The following WDR70 variants were observed in gnomAD, a reference collection of about 807,000 sequenced individuals.
The protein encoded by WDR70 is WD repeat domain 70, also known as WD repeat-containing protein 70.
In WDR70, 53 loss-of-function variants were observed where a neutral mutation model predicts 88.6. The observed-to-expected ratio is 0.60, with a 90% CI of 0.48 to 0.75. WDR70 has a LOEUF of 0.75. Ranked by LOEUF, WDR70 falls within the 30% of genes least tolerant of loss-of-function variation. The pLI is 0.00. For synonymous variants in WDR70, 280 were observed against 270.0 expected, an observed-to-expected ratio of 1.04 and a Z score of -0.36; for missense variants, 610 against 823.2, an observed-to-expected ratio of 0.74 and a Z score of 3.17.
intron 9 of WDR70, among the ~76,000 whole-genome samples, chr5:37,550,489 A>G (rs542759801): frequency 6.6e-6 from 1 of 152,328 alleles, no homozygotes; most frequent in East Asian, 1.9e-4. Context: ...TATTAGATCC[A>G]TTTGGTCTGC....
intron 9 of WDR70, among the ~76,000 whole-genome samples, chr5:37,587,823 A>G (rs1224204697): frequency 7.3e-6 from 1 of 137,452 alleles, no homozygotes; most frequent in Non-Finnish European, 1.5e-5. Context: ...TCTATCGCCC[A>G]GGCTGGAGTG....
chr5:37,531,157 A>G (rs2112305323), intron 9 of WDR70, among the ~76,000 whole-genome samples: 1 of 152,072 alleles, frequency 6.6e-6, no homozygotes, highest in South Asian at 2.1e-4. Context: ...ATGAGAGAGT[A>G]CTCGATATAA....
chr5:37,465,010 G>A (rs1359555326), intron 7 of WDR70, among the ~76,000 whole-genome samples: 1 of 152,190 alleles, frequency 6.6e-6, no homozygotes, highest in Admixed American at 6.5e-5. Context: ...GACAGTAAGT[G>A]GACAACTGGC....
intron 8 of WDR70, among the ~76,000 whole-genome samples, chr5:37,510,711 C>T (rs1390383239): frequency 6.6e-6 from 1 of 152,208 alleles, no homozygotes; most frequent in African/African-American, 2.4e-5. Flanking sequence ...CAGTTCCAGG[C>T]TCTGATCAAG....
chr5:37,379,694 C>T (rs1748361571), intron 2 of WDR70, 140 bp downstream of exon 2: 6 of 916,082 alleles, frequency 6.5e-6, no homozygotes, highest in South Asian at 1.5e-5. Context: ...TATTCTTCTC[C>T]CATTTGTCTT....
chr5:37,651,124 C>G (rs1319592724), intron 10 of WDR70, among the ~76,000 whole-genome samples: 1 of 152,088 alleles, frequency 6.6e-6, no homozygotes, highest in Admixed American at 6.6e-5. Context: ...CCCTCCATCC[C>G]CCAACAAGCC....
At chr5:37,655,840 A>C (rs1745538738) in intron 10 of WDR70, among the ~76,000 whole-genome samples, 2 of 151,370 alleles carry the variant, frequency 1.3e-5, no homozygotes, top group Admixed American at 1.3e-4. Context: ...AATTCCTCTA[A>C]CCTTTTTTCA....
chr5:37,747,477 G>A (rs191937414), intron 17 of WDR70, among the ~76,000 whole-genome samples: 144 of 152,248 alleles, frequency 9.5e-4, no homozygotes, highest in Admixed American at 4.1e-3. Flanking sequence ...CTGTCAATAA[G>A]CTAGGTATTG....
At chr5:37,658,135 G>T (rs1363891096) in intron 10 of WDR70, among the ~76,000 whole-genome samples, 2 of 151,518 alleles carry the variant, frequency 1.3e-5, no homozygotes, top group Non-Finnish European at 2.9e-5. Context: ...TCACTATAAA[G>T]GTCTTCTTCC....
chr5:37,392,538 C>T (rs1286940259), intron 4 of WDR70, among the ~76,000 whole-genome samples: 1 of 152,022 alleles, frequency 6.6e-6, no homozygotes, highest in East Asian at 1.9e-4. Flanking sequence ...TTAGTAGAGA[C>T]AGGTTTTACC....
At chr5:37,525,467 C>T (rs1007272708) in intron 9 of WDR70, among the ~76,000 whole-genome samples, 2 of 152,176 alleles carry the variant, frequency 1.3e-5, no homozygotes, top group South Asian at 4.1e-4. Flanking sequence ...ATCTCTGGGA[C>T]ACATTTAAAG....
intron 8 of WDR70, among the ~76,000 whole-genome samples, chr5:37,486,898 C>G (rs1739891870): frequency 6.6e-6 from 1 of 151,878 alleles, no homozygotes; most frequent in African/African-American, 2.4e-5. Context: ...GCAAAAATTT[C>G]TCCCATTCTG....
chr5:37,608,722 T>C (rs1182819406), intron 10 of WDR70, among the ~76,000 whole-genome samples: 2 of 152,086 alleles, frequency 1.3e-5, no homozygotes, highest in Non-Finnish European at 2.9e-5. Flanking sequence ...CATGCCCAGC[T>C]AATTTTCTTG....
At chr5:37,447,829 C>T (rs1738550219) in intron 7 of WDR70, among the ~76,000 whole-genome samples, 1 of 152,108 alleles carries the variant, frequency 6.6e-6, no homozygotes, top group Non-Finnish European at 1.5e-5. Context: ...GGAGATATAC[C>T]TAGTGTAAAT....
intron 7 of WDR70, among the ~76,000 whole-genome samples, chr5:37,455,794 G>T (rs1738818830): frequency 6.6e-6 from 1 of 151,744 alleles, no homozygotes. Context: ...ACAGTTCTAT[G>T]AATTTTGAGA....
At chr5:37,730,007 C>G (rs2112711860) in intron 17 of WDR70, among the ~76,000 whole-genome samples, 1 of 152,190 alleles carries the variant, frequency 6.6e-6, no homozygotes, top group Middle Eastern at 3.4e-3. Context: ...CCCCGTATTT[C>G]CTATGTGAAG....
At chr5:37,705,792 G>A (rs1057291807) in intron 13 of WDR70, among the ~76,000 whole-genome samples, 3 of 152,118 alleles carry the variant, frequency 2.0e-5, no homozygotes, top group Non-Finnish European at 4.4e-5. Flanking sequence ...TTGCATAAAA[G>A]GCAGCATCTC....
chr5:37,702,396 A>C (rs1747190813), intron 12 of WDR70, among the ~76,000 whole-genome samples: 1 of 152,342 alleles, frequency 6.6e-6, no homozygotes, highest in South Asian at 2.1e-4. Flanking sequence ...TGCTAACAAC[A>C]AAAGCCTTGG....
chr5:37,637,302 G>A (rs1744996712), intron 10 of WDR70, among the ~76,000 whole-genome samples: 1 of 151,002 alleles, frequency 6.6e-6, no homozygotes, highest in African/African-American at 2.4e-5. Context: ...GATCGCCTGG[G>A]CTACAGAGCG....
Sources: allele counts gnomAD v4.1 joint callset (sites outside exome capture counted in the v4.1 genomes callset), GRCh38; gene constraint gnomAD v4.1.1; transcripts MANE v1.5; gene names NCBI Gene and HGNC (gene_info 2026-07-23, HGNC 2026-07-21).